SCN3B: variants seen among roughly 807,000 people sequenced by gnomAD.
The protein encoded by SCN3B is sodium voltage-gated channel beta subunit 3.
Under a neutral mutation model 25.4 loss-of-function variants are expected in SCN3B, and 11 were observed. The ratio of observed to expected loss-of-function variants is 0.43; its 90% CI spans 0.27 to 0.72. The LOEUF is 0.72. Among genes scored for constraint, SCN3B ranks in the 30% least tolerant of loss-of-function variants. The pLI is 0.18. For synonymous variants in SCN3B, 109 were observed against 110.7 expected (o/e 0.99, Z 0.09); for missense variants, 218 against 278.3 (o/e 0.78, Z 1.54).
rs1955672897 is a variant in SCN3B at position 123,631,566 on chromosome 11, G to A, written c.*2233C>T. The A allele has an allele frequency of 6.6e-6, 1 of 152,182 alleles. No homozygotes were observed. The highest frequency in any genetic ancestry group is 1.5e-5 in the Non-Finnish European group (1 of 68,060). The allele number at this position is 152,182 out of a possible 1,614,324, so 9.4% of individuals were successfully genotyped here. On this transcript the variant is annotated 3_prime_UTR_variant, in exon 7 of 7. Transcript: ENST00000299333. ...TTTTGGGCCAGGCACAGTTGCTCAGGCCTGTAATCCCAGCACTTTGAGAGG... is the reference window on the plus strand; with the variant it reads ...TTTTGGGCCAGGCACAGTTGCTCAGACCTGTAATCCCAGCACTTTGAGAGG...
Position 123,629,270 on chromosome 11 carries a change from AG to A in SCN3B, c.*4528del, listed in dbSNP as rs1449509291. 1 of 152,348 alleles carries A rather than the reference AG, an allele frequency of 6.6e-6. No homozygotes were observed. The highest frequency in any genetic ancestry group is 1.9e-4 in the East Asian group (1 of 5,176). The allele number at this position is 152,348 out of a possible 1,614,324, so 9.4% of individuals were successfully genotyped here. A position where few individuals can be genotyped will look rare whatever the true frequency, so the allele number is the denominator to read the frequency against. ...ACAGGCATTACGTTGTTGAGGGCTT[AG>A]GTGGTCAGGAACATTTCCAGAGTTT... On this transcript the variant is annotated 3_prime_UTR_variant, in exon 7 of 7. Coordinates refer to ENST00000299333, the MANE Select transcript of SCN3B (RefSeq NM_001040151.2).
rs1955970667 is a variant in SCN3B, at chr11:123,654,556, A to C, written c.-356T>G. 1 of 152,858 alleles carries C rather than the reference A, an allele frequency of 6.5e-6. No homozygotes were observed. Among genetic ancestry groups the C allele is most frequent in the Middle Eastern group, 3.2e-3 (1 of 314 alleles). The allele number at this position is 152,858 out of a possible 1,614,324, so 9.5% of individuals were successfully genotyped here. A position where few individuals can be genotyped will look rare whatever the true frequency, so the allele number is the denominator to read the frequency against. ...GGGCCCCGACCCTGGGTGGCAGGTG[A>C]TCAGCAACCCTTCTCTAGGCCCCCA... On this transcript the variant is annotated 5_prime_UTR_variant, in exon 1 of 7. Transcript: ENST00000299333.
At chr11:123,645,137 T>A (rs1313983865) in intron 3 of SCN3B, among the ~76,000 whole-genome samples, 1 of 152,118 alleles carries the variant, frequency 6.6e-6, no homozygotes, top group Non-Finnish European at 1.5e-5. Flanking sequence ...CACCCTTGGA[T>A]CACTCTTTGT....
intron 6 of SCN3B, 36 bp downstream of exon 6, chr11:123,634,085 A>G (rs981998979): frequency 1.7e-5 from 26 of 1,523,822 alleles, no homozygotes; most frequent in Non-Finnish European, 4.5e-6. Flanking sequence ...CCTGCCATCC[A>G]CATCTGCCTT....
chr11:123,641,625 C>G (rs1448968580), intron 4 of SCN3B, among the ~76,000 whole-genome samples: 1 of 152,106 alleles, frequency 6.6e-6, no homozygotes, highest in African/African-American at 2.4e-5. Flanking sequence ...GGATGCAGGA[C>G]TCCGGTTGCA....
At chr11:123,636,838 C>T (rs560671192) in intron 5 of SCN3B, among the ~76,000 whole-genome samples, 2 of 151,982 alleles carry the variant, frequency 1.3e-5, no homozygotes, top group Non-Finnish European at 2.9e-5. Flanking sequence ...GGACTACAGG[C>T]ACCCGCCACC....
At chr11:123,651,225 G>A (rs1955922212) in intron 2 of SCN3B, among the ~76,000 whole-genome samples, 1 of 151,394 alleles carries the variant, frequency 6.6e-6, no homozygotes, top group Non-Finnish European at 1.5e-5. Flanking sequence ...GAAAGTAAAT[G>A]GAAAGACTCT....
chr11:123,653,325 GTTTT>G (rs3862615), intron 2 of SCN3B, among the ~76,000 whole-genome samples: 21,038 of 145,366 alleles, frequency 0.14, 1,594 homozygotes, highest in Admixed American at 0.21. Flanking sequence ...AGCTTTTATG[GTTTT>G]TTTTTTTTTT....
At chr11:123,641,923 G>C (rs767194235) in intron 4 of SCN3B, among the ~76,000 whole-genome samples, 1 of 152,186 alleles carries the variant, frequency 6.6e-6, no homozygotes, top group Non-Finnish European at 1.5e-5. Context: ...AGTGTGTCAC[G>C]CAGTGCAAAC....
chr11:123,635,839 TAGAAGAACAATAC>T (rs1955718778), intron 5 of SCN3B, among the ~76,000 whole-genome samples: 1 of 152,176 alleles, frequency 6.6e-6, no homozygotes, highest in African/African-American at 2.4e-5. Flanking sequence ...TGCAAACAAA[TAGAAGAACAATAC>T]ATGACAGGGA....
rs1460109068 is a variant in SCN3B, at chr11:123,645,684, A to T, written c.122T>A (p.Met41Lys). 6.2e-7 allele frequency: 1 copy of T among 1,614,116 alleles called. No individual in the cohort carries two copies. Among genetic ancestry groups the T allele is most frequent in the South Asian group, 1.1e-5 (1 of 91,078 alleles). Reference sequence around the variant, plus strand: ...CATGCAGGAGATGCAGCGCAGCTTCATGGGGTTGCCCTGCACGGCCTCCGT... The same window carrying T: ...CATGCAGGAGATGCAGCGCAGCTTCTTGGGGTTGCCCTGCACGGCCTCCGT... ...SETEAVQGNP[M>K]KLRCISCMKR... The change falls in exon 3 of 7, where the codon ATG (methionine) becomes AAG (lysine). Residue 41 changes from methionine to lysine, a missense_variant. Physicochemically the swap from Met to Lys is moderately conservative, Grantham distance 95. Coordinates refer to ENST00000299333, the MANE Select transcript of SCN3B (RefSeq NM_001040151.2).
intron 4 of SCN3B, chr11:123,639,072 A>G (rs1955758932): frequency 6.5e-6 from 1 of 153,512 alleles, no homozygotes; most frequent in Non-Finnish European, 1.4e-5. Context: ...TCCCCTTAGG[A>G]TGAAGCCCCA....
rs552129491 is a variant in SCN3B, at chr11:123,654,375, C to T, written c.-175G>A. ...CCCGTCTGGGCTACAGAATGCGTTC[C>T]ACGTCGGTCCCGTCCACGCCCGCCC... On this transcript the variant is annotated 5_prime_UTR_variant, in exon 1 of 7. Transcript: ENST00000299333. 7 of 159,100 alleles carry T rather than the reference C, an allele frequency of 4.4e-5. No homozygotes were observed. Among genetic ancestry groups the T allele is most frequent in the African/African-American group, 1.4e-4 (6 of 41,646 alleles). 9.9% of individuals were successfully genotyped at this position (159,100 alleles called of 1,614,324 possible).
At chr11:123,649,644 T>C (rs533073177) in intron 2 of SCN3B, among the ~76,000 whole-genome samples, 3 of 151,696 alleles carry the variant, frequency 2.0e-5, no homozygotes, top group South Asian at 2.1e-4. Flanking sequence ...TTTCTTTTTT[T>C]TCTTTCTTTC....
At position 123,630,804 on chromosome 11, in the gene SCN3B, G is replaced by A. The variant is rs1955662075; in HGVS notation, c.*2995C>T. Reference sequence around the variant, plus strand: ...GCAGTGAGTGGGATTAGGGGTGAGAGAAGATGGAGAACATTAGGACAGGCA... The same window carrying A: ...GCAGTGAGTGGGATTAGGGGTGAGAAAAGATGGAGAACATTAGGACAGGCA... On this transcript the variant is annotated 3_prime_UTR_variant, in exon 7 of 7. Coordinates refer to ENST00000299333, the MANE Select transcript of SCN3B (RefSeq NM_001040151.2). 1 of 152,224 alleles carries A rather than the reference G, an allele frequency of 6.6e-6. No individual in the cohort carries two copies. Among genetic ancestry groups the A allele is most frequent in the South Asian group, 2.1e-4 (1 of 4,824 alleles). 9.4% of individuals were successfully genotyped at this position (152,224 alleles called of 1,614,324 possible).
intron 2 of SCN3B, among the ~76,000 whole-genome samples, chr11:123,650,762 T>C (rs1189922037): frequency 1.3e-5 from 2 of 152,060 alleles, no homozygotes; most frequent in Non-Finnish European, 2.9e-5. Flanking sequence ...AAGGGTTCTC[T>C]AGCAAGTCCT....
At chr11:123,644,800 A>AGAGAGAATATAT (rs1272015067) in intron 3 of SCN3B, among the ~76,000 whole-genome samples, 8 of 45,584 alleles carry the variant, frequency 1.8e-4, no homozygotes, top group African/African-American at 4.7e-4. Flanking sequence ...AGAGAGAGAG[A>AGAGAGAATATAT]ATATATATAT....
rs1955669101 is a variant in SCN3B at position 123,631,270 on chromosome 11, C to A, written c.*2529G>T. ...AGGCAATCATGCATACTGCCGGGTT[C>A]AACTTAGATACACGAGCTATTGGGC... is the stretch of plus-strand genomic sequence containing the variant. On this transcript the variant is annotated 3_prime_UTR_variant, in exon 7 of 7. Transcript: ENST00000299333. 6.6e-6 allele frequency: 1 copy of A among 150,986 alleles called. No homozygotes were observed. The highest frequency in any genetic ancestry group is 6.6e-5 in the Admixed American group (1 of 15,254). The allele number at this position is 150,986 out of a possible 1,614,324, so 9.4% of individuals were successfully genotyped here. A position where few individuals can be genotyped will look rare whatever the true frequency, so the allele number is the denominator to read the frequency against.
At position 123,629,607 on chromosome 11, in the gene SCN3B, T is replaced by C. The variant is rs975479151; in HGVS notation, c.*4192A>G. On this transcript the variant is annotated 3_prime_UTR_variant, in exon 7 of 7. Transcript: ENST00000299333. ...TTTTAGAGATTAAGTAAGGTTTGGA[T>C]GATGCTGCTTTTCAGACCTGTGACT... The C allele has an allele frequency of 6.6e-6, 1 of 152,258 alleles. No individual in the cohort carries two copies. Among genetic ancestry groups the C allele is most frequent in the African/African-American group, 2.4e-5 (1 of 41,444 alleles). The allele number at this position is 152,258 out of a possible 1,614,324, so 9.4% of individuals were successfully genotyped here.
Sources: gnomAD v4.1 joint callset for allele counts (sites outside exome capture counted in the v4.1 genomes callset) on GRCh38, gnomAD v4.1.1 for gene constraint, MANE v1.5 for transcripts, NCBI Gene and HGNC (gene_info 2026-07-23, HGNC 2026-07-21) for gene names.